Variants in SHROOM3 observed in about 807,000 individuals in gnomAD.
SHROOM3 encodes shroom family member 3, also known as protein Shroom3.
In SHROOM3, 47 loss-of-function variants were observed where a neutral mutation model predicts 138.6. The observed-to-expected ratio is 0.34, with a 90% CI of 0.27 to 0.43. SHROOM3 has a LOEUF of 0.43. Among genes scored for constraint, SHROOM3 ranks in the 20% least tolerant of loss-of-function variants. The pLI, the probability that SHROOM3 is intolerant of heterozygous loss-of-function variation, is 1.00. For synonymous variants in SHROOM3, 1,062 were observed against 1,063.3 expected (o/e 1.00, Z 0.02); for missense variants, 2,491 against 2,596.5 (o/e 0.96, Z 0.88).
At chr4:76,541,033 AT>A (rs150054102) in intron 1 of SHROOM3, among the ~76,000 whole-genome samples, 2,812 of 152,246 alleles carry the variant, frequency 0.018, 33 homozygotes, top group Non-Finnish European at 0.028. Context: ...TGACTTATTT[AT>A]TTTCTAAAGA....
intron 1 of SHROOM3, among the ~76,000 whole-genome samples, chr4:76,459,332 C>G (rs1731094365): frequency 6.6e-6 from 1 of 152,118 alleles, no homozygotes; most frequent in South Asian, 2.1e-4. Context: ...GACTACATTC[C>G]TCATTAGACC....
chr4:76,741,116 G>C lies in SHROOM3; in HGVS notation c.2943G>C (p.Thr981=). The C allele has an allele frequency of 1.3e-6, 2 of 1,550,376 alleles. No individual in the cohort carries two copies. Among genetic ancestry groups the C allele is most frequent in the Non-Finnish European group, 1.7e-6 (2 of 1,147,854 alleles). ...CGTCGGCCTCCGCCTCCCCGCACAC[G>C]CCCCGGGAGCGGCACAGCGTGACCC... ...PEASASASPH[T]PRERHSVTPA... is the part of the protein sequence containing the mutation. Residue 981 remains threonine (T), a synonymous_variant, in exon 5 of 11, where the codon ACG becomes ACC. Coordinates refer to ENST00000296043, the MANE Select transcript of SHROOM3 (RefSeq NM_020859.4). This position sits in a 1 kb window ranked among gnomAD's most constrained non-coding sequence, Gnocchi z 6.2.
In SHROOM3 at chr4:76,436,103, T is replaced by C; in HGVS notation, c.51T>C (p.Ser17=). 6.2e-7 allele frequency: 1 copy of C among 1,613,968 alleles called. No individual in the cohort carries two copies. Among genetic ancestry groups the C allele is most frequent in the African/African-American group, 1.3e-5 (1 of 75,008 alleles). The change falls in exon 1 of 11, where the codon TCT becomes TCC. Residue 17 remains serine (S), a synonymous_variant. Coordinates refer to ENST00000296043, the MANE Select transcript of SHROOM3 (RefSeq NM_020859.4). ...DFHKPSATLN[S]NTATKGRYIY... is the part of the protein sequence containing the mutation. ...ACAAGCCTAGTGCCACATTAAACTC[T>C]AACACGGCCACCAAGGGAAGGTACA...
chr4:76,624,190 G>A (rs1247641901), intron 2 of SHROOM3, among the ~76,000 whole-genome samples: 2 of 152,066 alleles, frequency 1.3e-5, no homozygotes, highest in African/African-American at 4.8e-5. Flanking sequence ...AATGCCAGAG[G>A]GAAAGGCAAT....
At chr4:76,727,462 C>T (rs188338772) in intron 3 of SHROOM3, among the ~76,000 whole-genome samples, 5 of 152,218 alleles carry the variant, frequency 3.3e-5, no homozygotes, top group South Asian at 4.2e-4. Flanking sequence ...TTCAAGGAAC[C>T]GGTTGAAGAT....
At chr4:76,762,121 G>C (rs1362968890) in intron 9 of SHROOM3, among the ~76,000 whole-genome samples, 2 of 152,032 alleles carry the variant, frequency 1.3e-5, no homozygotes, top group Admixed American at 6.6e-5. Flanking sequence ...AAAAAAATCT[G>C]GAAGTTAAGC....
chr4:76,491,725 T>C (rs1371171845), intron 1 of SHROOM3, among the ~76,000 whole-genome samples: 1 of 152,132 alleles, frequency 6.6e-6, no homozygotes, highest in Non-Finnish European at 1.5e-5. Flanking sequence ...GCCTCTCTTA[T>C]GTGAAAAAAG....
At chr4:76,468,875 C>CA (rs929587100) in intron 1 of SHROOM3, among the ~76,000 whole-genome samples, 12 of 150,324 alleles carry the variant, frequency 8.0e-5, no homozygotes, top group Admixed American at 2.0e-4. Flanking sequence ...ACTAAAAATA[C>CA]AAAAAAAAAT....
intron 2 of SHROOM3, among the ~76,000 whole-genome samples, chr4:76,577,462 G>A (rs1040696535): frequency 3.9e-5 from 6 of 152,152 alleles, no homozygotes; most frequent in Admixed American, 2.0e-4. Context: ...AGCCTCCCTA[G>A]AGGCAGCAAT....
intron 8 of SHROOM3, 56 bp downstream of exon 8, chr4:76,756,993 A>G (rs1004465230): frequency 6.2e-7 from 1 of 1,611,802 alleles, no homozygotes; most frequent in African/African-American, 1.3e-5. Context: ...TTCCATGGGG[A>G]TGATGATAAG....
At chr4:76,605,988 C>CATATATATATATAT (rs1204493236) in intron 2 of SHROOM3, among the ~76,000 whole-genome samples, 3 of 93,866 alleles carry the variant, frequency 3.2e-5, no homozygotes, top group African/African-American at 1.3e-4. Context: ...TACACACACA[C>CATATATATATATAT]ACATATATAT....
chr4:76,514,544 C>T (rs562685348), intron 1 of SHROOM3, among the ~76,000 whole-genome samples: 10 of 152,004 alleles, frequency 6.6e-5, no homozygotes, highest in African/African-American at 9.6e-5. Flanking sequence ...TCTTTTGGGA[C>T]GATGAAAATG....
intron 2 of SHROOM3, among the ~76,000 whole-genome samples, chr4:76,573,125 C>G (rs938300193): frequency 6.6e-6 from 1 of 151,494 alleles, no homozygotes; most frequent in Non-Finnish European, 1.5e-5. Flanking sequence ...AATATGAACA[C>G]AAGCTTGAAA....
intron 1 of SHROOM3, among the ~76,000 whole-genome samples, chr4:76,554,951 C>T (rs557225635): frequency 2.6e-5 from 4 of 151,636 alleles, no homozygotes; most frequent in Non-Finnish European, 2.9e-5. Flanking sequence ...ACTACACATG[C>T]GAGGGATCTA....
At position 76,706,059 on chromosome 4, in the gene SHROOM3, T is replaced by C. The variant is rs79645310; in HGVS notation, c.324-4097T>C. ...AACATATTTTGTATGTCATATGCAT[T>C]ACGTACTGTATTCTTTCAACAAAGT... On this transcript the variant is annotated intron_variant, in intron 2 of 10. Transcript: ENST00000296043. Among the ~76,000 whole-genome samples, 1,228 of 152,306 alleles carry C rather than the reference T, an allele frequency of 8.1e-3. 19 individuals are homozygous for C. Among genetic ancestry groups the C allele is most frequent in the African/African-American group, 0.028 (1,153 of 41,560 alleles).
chr4:76,613,259 C>T (rs1734801058), intron 2 of SHROOM3, among the ~76,000 whole-genome samples: 1 of 152,174 alleles, frequency 6.6e-6, no homozygotes. Context: ...TGGTTTCCCA[C>T]TACTGGACAA....
intron 2 of SHROOM3, among the ~76,000 whole-genome samples, chr4:76,559,779 C>T (rs1733562443): frequency 6.6e-6 from 1 of 152,174 alleles, no homozygotes; most frequent in Non-Finnish European, 1.5e-5. Flanking sequence ...TAAAAGGCTA[C>T]AGTGACAAGA....
At chr4:76,722,762 C>T (rs1368083655) in intron 3 of SHROOM3, among the ~76,000 whole-genome samples, 3 of 151,680 alleles carry the variant, frequency 2.0e-5, no homozygotes, top group Non-Finnish European at 2.9e-5. Context: ...TTTAATAGAC[C>T]TAATTTGCAG....
Position 76,739,051 on chromosome 4 carries a change from G to A in SHROOM3, c.878G>A (p.Gly293Asp). The change falls in exon 5 of 11, where the codon GGT (glycine) becomes GAT (aspartate). Residue 293 changes from glycine (G) to aspartate (D), a missense_variant. By Grantham distance (94) the Gly-to-Asp change is moderately conservative. Around this residue, in one of 4 missense-constraint regions of SHROOM3, gnomAD observed 1,733 missense variants for 1,661.6 expected, o/e 1.04. Transcript: ENST00000296043. ...TCCATGGACAATACTTCTGCTCGAGGTGGCCTCCTCGAAGGGATGAGGCAG... is the reference window on the plus strand; with the variant it reads ...TCCATGGACAATACTTCTGCTCGAGATGGCCTCCTCGAAGGGATGAGGCAG... ...SGSMDNTSARGGLLEGMRQAD... is the reference protein window; with the variant it reads ...SGSMDNTSARDGLLEGMRQAD... The A allele has an allele frequency of 6.2e-7, 1 of 1,614,222 alleles. No homozygotes were observed.
Sources: gnomAD v4.1 joint callset for allele counts (sites outside exome capture counted in the v4.1 genomes callset) on GRCh38, gnomAD v4.1.1 for gene constraint, gnomAD v4.1.1 regional missense constraint, Gnocchi (gnomAD v3.1) non-coding constraint, MANE v1.5 for transcripts, NCBI Gene and HGNC (gene_info 2026-07-23, HGNC 2026-07-21) for gene names.